GRK2: variants seen among roughly 807,000 people sequenced by gnomAD.
GRK2 encodes adrenergic beta receptor kinase 1.
In GRK2, 23 loss-of-function variants were observed where a neutral mutation model predicts 97.8. That is an observed-to-expected ratio of 0.24 (90% CI 0.17 to 0.33). GRK2 has a LOEUF of 0.33. Among genes scored for constraint, GRK2 ranks in the 10% least tolerant of loss-of-function variants. GRK2 has a pLI of 1.00. For synonymous variants in GRK2, 425 were observed against 381.7 expected (o/e 1.11, Z -1.32); for missense variants, 633 against 956.9 (o/e 0.66, Z 4.47).
chr11:67,266,598 G>A lies in GRK2; in HGVS notation c.-102G>A. ...GCAGGGCCAGGCGGGAGGCGTCGGC[G>A]CCCGAGGCCGAGCGAGCCGCGGCCG... On this transcript the variant is annotated 5_prime_UTR_variant, in exon 1 of 21. Transcript: ENST00000308595. The A allele has an allele frequency of 3.1e-6, 1 of 320,558 alleles. No individual in the cohort carries two copies. Among genetic ancestry groups the A allele is most frequent in the South Asian group, 1.1e-4 (1 of 8,914 alleles). The allele number at this position is 320,558 out of a possible 1,614,324, so 19.9% of individuals were successfully genotyped here. A position where few individuals can be genotyped will look rare whatever the true frequency, so the allele number is the denominator to read the frequency against.
At position 67,279,235 on chromosome 11, in the gene GRK2, C is replaced by A. The variant is rs556538832; in HGVS notation, c.226C>A (p.Leu76Met). 1 of 1,613,670 alleles carries A rather than the reference C, an allele frequency of 6.2e-7. No individual in the cohort carries two copies. Among genetic ancestry groups the A allele is most frequent in the South Asian group, 1.1e-5 (1 of 91,076 alleles). ...LLFRDFCLNH[L>M]EEARPLVEFY... ...CTTCCGAGACTTCTGCCTGAACCACCTGGAGGAGGCCAGGCCCTTGGTGGA... is the reference window on the plus strand; with the variant it reads ...CTTCCGAGACTTCTGCCTGAACCACATGGAGGAGGCCAGGCCCTTGGTGGA... Residue 76 changes from leucine (L) to methionine (M), a missense_variant, in exon 3 of 21, where the codon CTG becomes ATG. Leu to Met is a conservative substitution (Grantham distance 15, BLOSUM62 2). Transcript: ENST00000308595.
intron 7 of GRK2, 33 bp downstream of exon 7, chr11:67,280,816 C>T (rs775494229): frequency 3.7e-5 from 59 of 1,610,984 alleles, no homozygotes; most frequent in Middle Eastern, 1.6e-4. Context: ...TGGAAAGCCA[C>T]GCACCCTGCT....
rs889818768 is a variant in GRK2 at position 67,266,840 on chromosome 11, C to T, written c.113+28C>T. ...GAGGAGAAGCTGCCCGCGGCCCCGG[C>T]CCGACCCCGCGGGCGCCCCGGCCGC... On this transcript the variant is annotated intron_variant, in intron 1 of 20. Coordinates refer to ENST00000308595, the MANE Select transcript of GRK2 (RefSeq NM_001619.5). The T allele has an allele frequency of 1.9e-5, 22 of 1,137,620 alleles. No homozygotes were observed. The Admixed American group carries it at 3.2e-4, about 16-fold the overall frequency. 70.5% of individuals were successfully genotyped at this position (1,137,620 alleles called of 1,614,324 possible).
At chr11:67,284,799 A>AAGAAACC in intron 18 of GRK2, 48 bp from the exon 19 acceptor site, 1 of 1,591,148 alleles carries the variant, frequency 6.3e-7, no homozygotes, top group Non-Finnish European at 8.6e-7. Flanking sequence ...CAAAACAAAA[A>AAGAAACC]AGAAACCCAG....
rs576150439 is a variant in GRK2 at position 67,281,231 on chromosome 11, C to T, written c.647+47C>T. ...GTGGGATACCTCGGGGAGCCGGGCT[C>T]CTGGGGGACCCTGACAGGCCGGGTT... On this transcript the variant is annotated intron_variant, in intron 8 of 20. Coordinates refer to ENST00000308595, the MANE Select transcript of GRK2 (RefSeq NM_001619.5). The surrounding 1 kb of genome is among the most constrained non-coding windows in gnomAD (Gnocchi z 5.7). 1.3e-6 allele frequency: 2 copies of T among 1,531,554 alleles called. No individual in the cohort carries two copies. Among genetic ancestry groups the T allele is most frequent in the African/African-American group, 2.7e-5 (2 of 73,142 alleles). The allele number at this position is 1,531,554 out of a possible 1,614,324, so 94.9% of individuals were successfully genotyped here.
rs1565064679 is a variant in GRK2 at position 67,276,571 on chromosome 11, A to G, written c.114-701A>G. ...GAACCAAGGCATGGCCTTTTCTTACAATTTAAAAAATTGAGATGCAATTCA... is the reference window on the plus strand; with the variant it reads ...GAACCAAGGCATGGCCTTTTCTTACGATTTAAAAAATTGAGATGCAATTCA... On this transcript the variant is annotated intron_variant, in intron 1 of 20. Coordinates refer to ENST00000308595, the MANE Select transcript of GRK2 (RefSeq NM_001619.5). This position sits in a 1 kb window ranked among gnomAD's most constrained non-coding sequence, Gnocchi z 4.2. The G allele has an allele frequency of 6.6e-6, 1 of 152,154 alleles. No homozygotes were observed. The highest frequency in any genetic ancestry group is 2.4e-5 in the African/African-American group (1 of 41,402). 9.4% of individuals were successfully genotyped at this position (152,154 alleles called of 1,614,324 possible).
chr11:67,280,872 G>A, intron 7 of GRK2, 89 bp downstream of exon 7: 1 of 1,476,042 alleles, frequency 6.8e-7, no homozygotes, highest in Non-Finnish European at 9.4e-7. Context: ...GGGAGGGGGA[G>A]GTCAGGGGAT....
At chr11:67,283,507 C>A in intron 15 of GRK2, 200 bp from the exon 16 acceptor site, 1 of 622,316 alleles carries the variant, frequency 1.6e-6, no homozygotes, top group South Asian at 1.9e-5. Flanking sequence ...AAGCACTGGG[C>A]ATAGGGTTGC....
chr11:67,277,173 A>G, intron 1 of GRK2, 99 bp from the exon 2 acceptor site: 1 of 1,123,080 alleles, frequency 8.9e-7, no homozygotes, highest in Non-Finnish European at 1.3e-6. Context: ...TCCTGGAGGG[A>G]GTGGCGACAC....
chr11:67,268,918 G>A (rs982475343), intron 1 of GRK2, among the ~76,000 whole-genome samples: 5 of 152,228 alleles, frequency 3.3e-5, no homozygotes, highest in Admixed American at 1.3e-4. Context: ...AAACAAGGTT[G>A]GATAGGATTC....
chr11:67,279,095 C>T, intron 2 of GRK2, 105 bp from the exon 3 acceptor site: 2 of 952,270 alleles, frequency 2.1e-6, no homozygotes, highest in South Asian at 2.7e-5. Context: ...ACCTTTGCCA[C>T]CTCCATAGCC....
intron 1 of GRK2, among the ~76,000 whole-genome samples, chr11:67,274,422 T>C (rs1036680102): frequency 2.0e-5 from 3 of 147,824 alleles, no homozygotes; most frequent in Admixed American, 6.9e-5. Context: ...TCCTGGTGGG[T>C]GACCCCTACA....
rs1293599651 is a variant in GRK2 at position 67,276,038 on chromosome 11, G to A, written c.114-1234G>A. ...GGCTGGGCTCCTAGGGGCAGGCAGG[G>A]CCGGGGTGCAGAAAGGCAGGGGCCA... On this transcript the variant is annotated intron_variant, in intron 1 of 20. Coordinates refer to ENST00000308595, the MANE Select transcript of GRK2 (RefSeq NM_001619.5). This position sits in a 1 kb window ranked among gnomAD's most constrained non-coding sequence, Gnocchi z 4.2. Among the ~76,000 whole-genome samples the A allele has an allele frequency of 6.6e-6, 1 of 152,202 alleles. No individual in the cohort carries two copies. The highest frequency in any genetic ancestry group is 2.4e-5 in the African/African-American group (1 of 41,436).
chr11:67,285,593 C>A lies in GRK2; in HGVS notation c.*143C>A. 2 of 1,130,392 alleles carry A rather than the reference C, an allele frequency of 1.8e-6. No individual in the cohort carries two copies. 70.0% of individuals were successfully genotyped at this position (1,130,392 alleles called of 1,614,324 possible). A position where few individuals can be genotyped will look rare whatever the true frequency, so the allele number is the denominator to read the frequency against. On this transcript the variant is annotated 3_prime_UTR_variant, in exon 21 of 21. Coordinates refer to ENST00000308595, the MANE Select transcript of GRK2 (RefSeq NM_001619.5). Reference sequence around the variant, plus strand: ...CCTGGCCCAGCTCCCCCGGGAGGGGCCCGCTTGCCTCGGCTCCTGCTGCAC... The same window carrying A: ...CCTGGCCCAGCTCCCCCGGGAGGGGACCGCTTGCCTCGGCTCCTGCTGCAC...
rs1318627667 is a variant in GRK2 at position 67,276,981 on chromosome 11, C to T, written c.114-291C>T. The stretch of plus-strand genomic sequence containing the variant: ...ACTTGGCCAAGTTCCCAAAGCCAGC[C>T]GGTGGCATCACTGGGACGAGACCCC... On this transcript the variant is annotated intron_variant, in intron 1 of 20. Transcript: ENST00000308595. This position sits in a 1 kb window ranked among gnomAD's most constrained non-coding sequence, Gnocchi z 4.2. The T allele has an allele frequency of 1.7e-5, 5 of 295,414 alleles. No individual in the cohort carries two copies. Among genetic ancestry groups the T allele is most frequent in the Non-Finnish European group, 2.5e-5 (4 of 157,024 alleles). 18.3% of individuals were successfully genotyped at this position (295,414 alleles called of 1,614,324 possible). A position where few individuals can be genotyped will look rare whatever the true frequency, so the allele number is the denominator to read the frequency against.
chr11:67,272,653 G>A (rs1468441164), intron 1 of GRK2, among the ~76,000 whole-genome samples: 4 of 152,356 alleles, frequency 2.6e-5, no homozygotes, highest in South Asian at 2.1e-4. Context: ...GGTGCAGGCC[G>A]CTGTAACTGC....
rs1860040913 is a variant in GRK2, at chr11:67,276,914, T to C, written c.114-358T>C. 1 of 191,676 alleles carries C rather than the reference T, an allele frequency of 5.2e-6. No individual in the cohort carries two copies. The highest frequency in any genetic ancestry group is 1.1e-4 in the South Asian group (1 of 9,116). The allele number at this position is 191,676 out of a possible 1,614,324, so 11.9% of individuals were successfully genotyped here. A position where few individuals can be genotyped will look rare whatever the true frequency, so the allele number is the denominator to read the frequency against. On this transcript the variant is annotated intron_variant, in intron 1 of 20. Transcript: ENST00000308595. This position sits in a 1 kb window ranked among gnomAD's most constrained non-coding sequence, Gnocchi z 4.2. ...TGCTGCTGCGTGGAGATGCCACATG[T>C]GTGTCTTTTCATCCGCTCACAAACC...
intron 1 of GRK2, among the ~76,000 whole-genome samples, chr11:67,268,084 T>C (rs1859834856): frequency 6.6e-6 from 1 of 152,228 alleles, no homozygotes; most frequent in African/African-American, 2.4e-5. Context: ...GCCGTGGTCT[T>C]ATCTTGTGAC....
chr11:67,281,874 C>T lies in GRK2; in HGVS notation c.879C>T (p.Asp293=). Reference sequence around the variant, plus strand: ...AGCACGGGGTCTTCTCAGAGGCTGACATGCGCTTCTATGCGGCCGAGATCA... The same window carrying T: ...AGCACGGGGTCTTCTCAGAGGCTGATATGCGCTTCTATGCGGCCGAGATCA... ...LSQHGVFSEA[D]MRFYAAEIIL... The change falls in exon 11 of 21, where the codon GAC becomes GAT. Residue 293 remains aspartate, a synonymous_variant. Coordinates refer to ENST00000308595, the MANE Select transcript of GRK2 (RefSeq NM_001619.5). The surrounding 1 kb of genome is among the most constrained non-coding windows in gnomAD (Gnocchi z 5.7). 1 of 1,613,722 alleles carries T rather than the reference C, an allele frequency of 6.2e-7. No individual in the cohort carries two copies. Among genetic ancestry groups the T allele is most frequent in the East Asian group, 2.2e-5 (1 of 44,878 alleles).
Sources: allele counts gnomAD v4.1 joint callset (sites outside exome capture counted in the v4.1 genomes callset), GRCh38; gene constraint gnomAD v4.1.1; non-coding constraint Gnocchi (gnomAD v3.1); transcripts MANE v1.5; gene names NCBI Gene and HGNC (gene_info 2026-07-23, HGNC 2026-07-21).